Variants in PCDHGA7 observed in about 807,000 individuals in gnomAD.
The protein encoded by PCDHGA7 is protocadherin gamma subfamily A, 7.
A neutral mutation model predicts 58.3 loss-of-function variants in PCDHGA7; 44 were observed. The ratio of observed to expected loss-of-function variants is 0.75; its 90% confidence interval spans 0.59 to 0.97. The LOEUF (loss-of-function observed/expected upper bound fraction) is 0.97, where lower values mean the gene tolerates loss of function less well. Ranked by LOEUF, PCDHGA7 falls within the 50% of genes least tolerant of loss-of-function variation. The probability of loss-of-function intolerance (pLI) is 0.00; values close to 1 mark genes in which losing one functional copy is unlikely to be tolerated. For missense variants in PCDHGA7, 1,266 were observed against 1,188.7 expected (o/e 1.06, Z -0.96); for synonymous variants, 516 against 504.2 (o/e 1.02, Z -0.31).
chr5:141,420,918 C>T (rs2096532512), intron 1 of PCDHGA7: 1 of 331,946 alleles, frequency 3.0e-6, no homozygotes, highest in South Asian at 6.4e-5. Flanking sequence ...GTGTGATTCA[C>T]AAAGGTGAGC....
intron 1 of PCDHGA7, chr5:141,405,594 C>G: frequency 1.7e-6 from 1 of 578,834 alleles, no homozygotes; most frequent in Non-Finnish European, 3.0e-6. Context: ...ACAGGCCTCC[C>G]AAGTAGAATA....
At chr5:141,505,804 G>A (rs554534524) in intron 3 of PCDHGA7, among the ~76,000 whole-genome samples, 13 of 152,240 alleles carry the variant, frequency 8.5e-5, no homozygotes, top group Admixed American at 3.3e-4. Context: ...GACTTGGATC[G>A]ACTTGCTCAA....
At chr5:141,388,497 C>T (rs2091382933) in intron 1 of PCDHGA7, 34 of 1,613,702 alleles carry the variant, frequency 2.1e-5, no homozygotes, top group Middle Eastern at 1.6e-4. Flanking sequence ...CAGAGAAAAG[C>T]AGAAATCCTA....
chr5:141,448,669 G>A (rs553283446), intron 1 of PCDHGA7, among the ~76,000 whole-genome samples: 13 of 152,136 alleles, frequency 8.5e-5, no homozygotes, highest in African/African-American at 7.2e-5. Flanking sequence ...GGCCGGGCGC[G>A]GTGGCTCACG....
At position 141,491,251 on chromosome 5, in the gene PCDHGA7, C is replaced by A; in HGVS notation, c.2425-3556C>A. On this transcript the variant is annotated intron_variant, in intron 1 of 3. Coordinates refer to ENST00000518325, the MANE Select transcript of PCDHGA7 (RefSeq NM_018920.4). This position sits in a 1 kb window ranked among gnomAD's most constrained non-coding sequence, Gnocchi z 6.9. ...GCTGCTGGTTCTGGAGGATGAGGAC[C>A]CTGAGGAAATGCCCAAATCCAGTGA... 6.2e-7 allele frequency: 1 copy of A among 1,614,144 alleles called. No homozygotes were observed. Among genetic ancestry groups the A allele is most frequent in the Non-Finnish European group, 8.5e-7 (1 of 1,180,016 alleles).
At chr5:141,391,213 C>T (rs1255778682) in intron 1 of PCDHGA7, 1 of 152,056 alleles carries the variant, frequency 6.6e-6, no homozygotes, top group African/African-American at 2.4e-5. Flanking sequence ...TACCAAGGAA[C>T]ATTATATGAG....
chr5:141,389,301 A>G (rs2091692161), intron 1 of PCDHGA7: 3 of 1,614,010 alleles, frequency 1.9e-6, no homozygotes, highest in Non-Finnish European at 2.5e-6. Flanking sequence ...TTCACAAGTC[A>G]GGGCTTCTGA....
intron 1 of PCDHGA7, chr5:141,399,983 C>T (rs767278001): frequency 7.4e-6 from 12 of 1,612,374 alleles, no homozygotes; most frequent in Non-Finnish European, 1.0e-5. Context: ...GGGCTGCGCA[C>T]AGGAGAGGTG....
At chr5:141,484,873 G>A (rs754469397) in intron 1 of PCDHGA7, 50 of 322,006 alleles carry the variant, frequency 1.6e-4, no homozygotes, top group Non-Finnish European at 2.5e-4. Flanking sequence ...GAGCGTGGAG[G>A]ATAGGGTGGG....
At chr5:141,430,586 C>G in intron 1 of PCDHGA7, 1 of 517,248 alleles carries the variant, frequency 1.9e-6, no homozygotes, top group Non-Finnish European at 3.1e-6. Context: ...TCCTGCTCGC[C>G]TTGCACGCGC....
intron 1 of PCDHGA7, among the ~76,000 whole-genome samples, chr5:141,454,918 C>T (rs1474616925): frequency 6.7e-6 from 1 of 149,344 alleles, no homozygotes; most frequent in Non-Finnish European, 1.5e-5. Context: ...CGCCATTCTC[C>T]TGCCTCAGCC....
At chr5:141,478,287 G>C (rs777542913) in intron 1 of PCDHGA7, 1 of 1,614,154 alleles carries the variant, frequency 6.2e-7, no homozygotes, top group South Asian at 1.1e-5. Context: ...AAGCAGTCTA[G>C]AGACCTATAC....
intron 1 of PCDHGA7, chr5:141,423,913 C>T: frequency 7.9e-7 from 1 of 1,269,552 alleles, no homozygotes; most frequent in Non-Finnish European, 1.0e-6. Context: ...AGGGGCCATT[C>T]AACTATGCTG....
intron 1 of PCDHGA7, among the ~76,000 whole-genome samples, chr5:141,406,594 G>A (rs1463823326): frequency 1.3e-5 from 2 of 152,068 alleles, no homozygotes; most frequent in Non-Finnish European, 2.9e-5. Context: ...CCCTTTAATG[G>A]TGAAAGTTGT....
Position 141,383,174 on chromosome 5 carries a change from G to A in PCDHGA7, c.275G>A (p.Arg92Gln). Reference sequence around the variant, plus strand: ...TTGGTCACTGCGGGCAGGATAGACCGGGAAGAGATCTGCGCTCAGAGTGCG... The same window carrying A: ...TTGGTCACTGCGGGCAGGATAGACCAGGAAGAGATCTGCGCTCAGAGTGCG... ...GSLVTAGRID[R>Q]EEICAQSARC... The change falls in exon 1 of 4, where the codon CGG becomes CAG. Residue 92 changes from arginine (R) to glutamine (Q), a missense_variant. Transcript: ENST00000518325. 6 of 1,614,084 alleles carry A rather than the reference G, an allele frequency of 3.7e-6. No homozygotes were observed. Among genetic ancestry groups the A allele is most frequent in the South Asian group, 2.2e-5 (2 of 91,092 alleles).
intron 1 of PCDHGA7, chr5:141,413,356 C>T: frequency 6.2e-7 from 1 of 1,613,962 alleles, no homozygotes; most frequent in South Asian, 1.1e-5. Context: ...TCTGGCGCCC[C>T]GGGAGCTGGC....
chr5:141,419,264 G>T (rs2096351955), intron 1 of PCDHGA7: 1 of 1,614,036 alleles, frequency 6.2e-7, no homozygotes, highest in Non-Finnish European at 8.5e-7. Context: ...CCAGCCGGGT[G>T]CCTCCATAGC....
At chr5:141,410,583 G>A (rs1257322419) in intron 1 of PCDHGA7, 1 of 1,610,052 alleles carries the variant, frequency 6.2e-7, no homozygotes, top group African/African-American at 1.3e-5. Context: ...CCTCATGGTG[G>A]GGAGGATTTG....
chr5:141,500,645 A>C (rs2099801792), intron 2 of PCDHGA7, among the ~76,000 whole-genome samples: 1 of 152,228 alleles, frequency 6.6e-6, no homozygotes, highest in African/African-American at 2.4e-5. Flanking sequence ...GTTTTTTAAA[A>C]ATAGCAACTG....
Sources: gnomAD v4.1 joint callset for allele counts (sites outside exome capture counted in the v4.1 genomes callset) on GRCh38, gnomAD v4.1.1 for gene constraint, Gnocchi (gnomAD v3.1) non-coding constraint, MANE v1.5 for transcripts, NCBI Gene and HGNC (gene_info 2026-07-23, HGNC 2026-07-21) for gene names.